The following LIPC variants were observed in gnomAD, a reference collection of about 807,000 sequenced individuals.
LIPC encodes lipase C, hepatic type, also known as hepatic triacylglycerol lipase.
Under a neutral mutation model 50.7 loss-of-function variants are expected in LIPC, and 44 were observed. The ratio of observed to expected loss-of-function variants is 0.87; its 90% CI spans 0.68 to 1.11. The LOEUF is 1.11. LIPC is among the 50% of genes most tolerant of loss of function. The pLI, the probability that LIPC is intolerant of heterozygous loss-of-function variation, is 0.00. For synonymous variants in LIPC, 271 were observed against 256.4 expected (o/e 1.06, Z -0.54); for missense variants, 697 against 648.2 (o/e 1.08, Z -0.82).
chr15:58,490,774 C>G (rs372729305), intron 1 of LIPC, among the ~76,000 whole-genome samples: 1 of 152,190 alleles, frequency 6.6e-6, no homozygotes, highest in African/African-American at 2.4e-5. Context: ...GAAAGGGAGG[C>G]AGTGAGACGT....
At position 58,542,641 on chromosome 15, in the gene LIPC, G is replaced by A; in HGVS notation, c.564G>A (p.Gly188=). Residue 188 remains glycine (G), a synonymous_variant, in exon 4 of 9, where the codon GGG becomes GGA. Coordinates refer to ENST00000299022, the MANE Select transcript of LIPC (RefSeq NM_000236.3). The part of the protein sequence containing the change: ...GSSIGGTHKI[G]RITGLDAAGP... ...CCATCGGTGGAACGCACAAGATTGG[G>A]AGAATCACAGGTAACCATGCCTAAT... is the stretch of plus-strand genomic sequence containing the variant. The A allele has an allele frequency of 6.2e-7, 1 of 1,609,888 alleles. No homozygotes were observed. Among genetic ancestry groups the A allele is most frequent in the Non-Finnish European group, 8.5e-7 (1 of 1,176,396 alleles).
At position 58,541,882 on chromosome 15, in the gene LIPC, C is replaced by T. The variant is rs1326246132; in HGVS notation, c.371C>T (p.Thr124Ile). Residue 124 changes from threonine (T) to isoleucine (I), a missense_variant, in exon 3 of 9, where the codon ACC becomes ATC. Coordinates refer to ENST00000299022, the MANE Select transcript of LIPC (RefSeq NM_000236.3). Reference protein sequence around the residue: ...PVNVGLVDWITLAHDHYTIAV... With the variant: ...PVNVGLVDWIILAHDHYTIAV... ...AACGTGGGGCTGGTGGACTGGATCA[C>T]CCTGGCCCACGACCACTACACCATC... 1.2e-6 allele frequency: 2 copies of T among 1,612,484 alleles called. No individual in the cohort carries two copies. The highest frequency in any genetic ancestry group is 1.7e-6 in the Non-Finnish European group (2 of 1,179,972).
intron 8 of LIPC, among the ~76,000 whole-genome samples, chr15:58,564,521 A>G (rs1894291998): frequency 6.6e-6 from 1 of 151,806 alleles, no homozygotes. Context: ...TGAGGTCAGG[A>G]GTTCAAGACC....
In LIPC at chr15:58,450,598, G is replaced by A. The variant is rs192208805; in HGVS notation, c.88+18478G>A. 3.7e-3 allele frequency among the ~76,000 whole-genome samples: 566 copies of A among 152,320 alleles called. 2 individuals are homozygous for A. The highest frequency in any genetic ancestry group is 4.7e-3 in the Admixed American group (72 of 15,308). On this transcript the variant is annotated intron_variant, in intron 1 of 8. Transcript: ENST00000299022. Reference sequence around the variant, plus strand: ...GTTAAAGGTCAATTTCCATAAGTATGTGGATCTATGTATTTTGGAAATGCA... The same window carrying A: ...GTTAAAGGTCAATTTCCATAAGTATATGGATCTATGTATTTTGGAAATGCA...
At chr15:58,555,233 GA>G (rs1414787171) in intron 6 of LIPC, among the ~76,000 whole-genome samples, 37 of 152,350 alleles carry the variant, frequency 2.4e-4, no homozygotes, top group African/African-American at 8.9e-4. Flanking sequence ...AAAAAGGGAA[GA>G]AAAAGTGTAT....
At position 58,500,902 on chromosome 15, in the gene LIPC, AG is replaced by A. The variant is rs1471541112; in HGVS notation, c.89-37429del. ...CTAAGACAAAGCCACGTCAAAACACAGGAACCCCTACCCCCTTGGAAGACAC... is the reference window on the plus strand; with the variant it reads ...CTAAGACAAAGCCACGTCAAAACACAGAACCCCTACCCCCTTGGAAGACAC... On this transcript the variant is annotated intron_variant, in intron 1 of 8. Transcript: ENST00000299022. Among the ~76,000 whole-genome samples, 6 of 152,224 alleles carry A rather than the reference AG, an allele frequency of 3.9e-5. No individual in the cohort carries two copies. The East Asian group carries it at 1.2e-3, about 29-fold the overall frequency.
intron 8 of LIPC, among the ~76,000 whole-genome samples, chr15:58,567,319 ATGTG>A (rs745783290): frequency 1.4e-3 from 109 of 80,384 alleles, no homozygotes; most frequent in African/African-American, 6.9e-3. Context: ...ATATATGTAT[ATGTG>A]TATATATATA....
At chr15:58,487,341 G>A (rs1322856502) in intron 1 of LIPC, among the ~76,000 whole-genome samples, 5 of 152,178 alleles carry the variant, frequency 3.3e-5, no homozygotes, top group African/African-American at 9.7e-5. Flanking sequence ...AGGATTAAAC[G>A]AAGGGAAGGT....
intron 1 of LIPC, among the ~76,000 whole-genome samples, chr15:58,512,639 G>A (rs189564007): frequency 1.5e-3 from 221 of 152,272 alleles, no homozygotes; most frequent in African/African-American, 5.1e-3. Context: ...GAAGGCAGAT[G>A]GAGTCTCAGA....
chr15:58,486,134 G>A (rs537579307), intron 1 of LIPC, among the ~76,000 whole-genome samples: 1 of 152,288 alleles, frequency 6.6e-6, no homozygotes, highest in African/African-American at 2.4e-5. Context: ...TCCTTGACAT[G>A]GACGGCTCTA....
At position 58,542,655 on chromosome 15, in the gene LIPC, A is replaced by G. The variant is rs771112217; in HGVS notation, c.574+4A>G. The stretch of plus-strand genomic sequence containing the variant: ...CACAAGATTGGGAGAATCACAGGTA[A>G]CCATGCCTAATAACTCACACACTGA... On this transcript the variant is annotated splice_donor_region_variant and intron_variant, in intron 4 of 8. Transcript: ENST00000299022. The G allele has an allele frequency of 1.3e-6, 2 of 1,592,560 alleles. No individual in the cohort carries two copies. The highest frequency in any genetic ancestry group is 1.7e-6 in the Non-Finnish European group (2 of 1,160,674).
At chr15:58,520,110 C>CTGTTTTTTTTT (rs1248314655) in intron 1 of LIPC, among the ~76,000 whole-genome samples, 2 of 79,930 alleles carry the variant, frequency 2.5e-5, no homozygotes, top group African/African-American at 9.7e-5. Flanking sequence ...AGGTTTTGGG[C>CTGTTTTTTTTT]TGTTTTTTTT....
At chr15:58,551,077 TC>T (rs1396841000) in intron 6 of LIPC, among the ~76,000 whole-genome samples, 2 of 152,106 alleles carry the variant, frequency 1.3e-5, no homozygotes, top group African/African-American at 4.8e-5. Flanking sequence ...CCTCAAGTGA[TC>T]CACCCGCCTC....
rs1893631641 is a variant in LIPC, at chr15:58,548,636, A to G, written c.1051+64A>G. ...GCAGTCCCCTGTCCAAAGGGCTCAG[A>G]AGTCCCCTTGGCTTCTTTCCTGGAG... On this transcript the variant is annotated intron_variant, in intron 6 of 8. Transcript: ENST00000299022. 3.2e-6 allele frequency: 5 copies of G among 1,547,030 alleles called. No individual in the cohort carries two copies. The East Asian group carries it at 1.2e-4, about 36-fold the overall frequency.
chr15:58,541,826 C>A lies in LIPC; in HGVS notation c.315C>A (p.Ala105=). 6.2e-7 allele frequency: 1 copy of A among 1,613,338 alleles called. No individual in the cohort carries two copies. Among genetic ancestry groups the A allele is most frequent in the Admixed American group, 1.7e-5 (1 of 59,978 alleles). Residue 105 remains alanine, a synonymous_variant, in exon 3 of 9, where the codon GCC becomes GCA. Coordinates refer to ENST00000299022, the MANE Select transcript of LIPC (RefSeq NM_000236.3). The part of the protein sequence containing the change: ...VLENWIWQMV[A]ALKSQPAQPV... ...AAAACTGGATCTGGCAGATGGTGGC[C>A]GCGCTGAAGTCTCAGCCGGCCCAGC...
chr15:58,544,735 G>T (rs1893463157), intron 4 of LIPC, among the ~76,000 whole-genome samples: 1 of 152,166 alleles, frequency 6.6e-6, no homozygotes, highest in African/African-American at 2.4e-5. Flanking sequence ...TAGGGCTGGA[G>T]AACGGGTGAT....
intron 1 of LIPC, among the ~76,000 whole-genome samples, chr15:58,441,502 AT>A (rs1363159154): frequency 3.3e-5 from 5 of 152,222 alleles, no homozygotes; most frequent in African/African-American, 1.2e-4. Flanking sequence ...AGGAATTCTT[AT>A]TCCCATTTTA....
At position 58,563,733 on chromosome 15, in the gene LIPC, G is replaced by A. The variant is rs772931819; in HGVS notation, c.1388+10G>A. On this transcript the variant is annotated intron_variant, in intron 8 of 8. Coordinates refer to ENST00000299022, the MANE Select transcript of LIPC (RefSeq NM_000236.3). ...GAGAAACCCAGCAAAGGTGACTGCT[G>A]ATTCAATCTCCTATTAACGTCCATT... 2 of 1,608,892 alleles carry A rather than the reference G, an allele frequency of 1.2e-6. No individual in the cohort carries two copies. The highest frequency in any genetic ancestry group is 1.7e-6 in the Non-Finnish European group (2 of 1,177,310).
At chr15:58,561,648 G>C (rs1215658214) in intron 7 of LIPC, among the ~76,000 whole-genome samples, 1 of 152,102 alleles carries the variant, frequency 6.6e-6, no homozygotes, top group Non-Finnish European at 1.5e-5. Context: ...AGCTGTTCAG[G>C]GCCCTTTCAA....
Sources: allele counts gnomAD v4.1 joint callset (sites outside exome capture counted in the v4.1 genomes callset), GRCh38; gene constraint gnomAD v4.1.1; transcripts MANE v1.5; gene names NCBI Gene and HGNC (gene_info 2026-07-23, HGNC 2026-07-21).